EMC1: variants seen among roughly 807,000 people sequenced by gnomAD.
EMC1 encodes ER membrane protein complex subunit 1, also known as KIAA0090.
Under a neutral mutation model 128.8 loss-of-function variants are expected in EMC1, and 103 were observed. That is an observed-to-expected ratio of 0.80 (90% CI 0.68 to 0.94). EMC1 has a LOEUF of 0.94. Among genes scored for constraint, EMC1 ranks in the 40% least tolerant of loss-of-function variants. EMC1 has a pLI of 0.00. For missense variants in EMC1, 1,083 were observed against 1,250.6 expected, an observed-to-expected ratio of 0.87 and a Z score of 2.02; for synonymous variants, 442 against 490.4, an observed-to-expected ratio of 0.90 and a Z score of 1.30.
At chr1:19,227,566 G>T in intron 17 of EMC1, 116 bp from the exon 18 acceptor site, 1 of 1,252,802 alleles carries the variant, frequency 8.0e-7, no homozygotes, top group African/African-American at 1.5e-5. Flanking sequence ...AAGGAATAGA[G>T]ATCAGAACTA....
At chr1:19,229,390 G>A (rs543420768) in intron 17 of EMC1, 1 of 152,194 alleles carries the variant, frequency 6.6e-6, no homozygotes, top group South Asian at 2.1e-4. Context: ...ACCAAGTGAG[G>A]GCAAAGGCAG....
chr1:19,241,292 G>T, intron 5 of EMC1, 150 bp from the exon 6 acceptor site: 1 of 826,600 alleles, frequency 1.2e-6, no homozygotes, highest in Non-Finnish European at 1.9e-6. Flanking sequence ...TTTTGTTGTT[G>T]TTGTTCTTAA....
At chr1:19,220,937 G>T in intron 20 of EMC1, 89 bp from the exon 21 acceptor site, 1 of 954,140 alleles carries the variant, frequency 1.0e-6, no homozygotes, top group Non-Finnish European at 1.6e-6. Flanking sequence ...ATTTAAATAA[G>T]AATTTAAAAC....
At chr1:19,233,251 T>C (rs568780664) in intron 13 of EMC1, 116 bp from the exon 14 acceptor site, 4 of 885,110 alleles carry the variant, frequency 4.5e-6, no homozygotes, top group East Asian at 5.1e-5. Flanking sequence ...GTCCACACTC[T>C]AGGCCACAAG....
At chr1:19,228,161 C>A (rs1377799788) in intron 17 of EMC1, among the ~76,000 whole-genome samples, 1 of 146,100 alleles carries the variant, frequency 6.8e-6, no homozygotes, top group African/African-American at 2.5e-5. Flanking sequence ...GCCGAGACTG[C>A]ACCATTGCAC....
Position 19,243,967 on chromosome 1 carries a change from A to G in EMC1, c.269T>C (p.Met90Thr). The G allele has an allele frequency of 2.5e-6, 4 of 1,614,162 alleles. No homozygotes were observed. Among genetic ancestry groups the G allele is most frequent in the South Asian group, 2.2e-5 (2 of 91,082 alleles). Reference sequence around the variant, plus strand: ...CTGCTTACCCTGTCCGTGCAGCAGCATGGCATCCACAGCCCCTTCTGCCGT... The same window carrying G: ...CTGCTTACCCTGTCCGTGCAGCAGCGTGGCATCCACAGCCCCTTCTGCCGT... ...KGTAEGAVDA[M>T]LLHGQDVITV... Residue 90 changes from methionine (M) to threonine (T), a missense_variant, in exon 3 of 23, where the codon ATG becomes ACG. By Grantham distance (81) the Met-to-Thr change is moderately conservative (BLOSUM62 -1). Coordinates refer to ENST00000477853, the MANE Select transcript of EMC1 (RefSeq NM_015047.3).
intron 6 of EMC1, 140 bp downstream of exon 6, chr1:19,240,876 A>G: frequency 1.1e-6 from 1 of 951,748 alleles, no homozygotes; most frequent in South Asian, 1.6e-5. Flanking sequence ...ATGGGAAGGC[A>G]GCTGGCAAGT....
chr1:19,218,997 A>AAACAAAACAG lies in EMC1; in HGVS notation c.*305_*306insCTGTTTTGTT. The stretch of plus-strand genomic sequence containing the variant: ...GCCGGAATTCTTATTAAAAAAAACA[A>AAACAAAACAG]AACAGAACATTCATGGATGGGCAAA... On this transcript the variant is annotated 3_prime_UTR_variant, in exon 23 of 23. Coordinates refer to ENST00000477853, the MANE Select transcript of EMC1 (RefSeq NM_015047.3). The AAACAAAACAG allele has an allele frequency of 4.0e-6, 1 of 247,070 alleles. No individual in the cohort carries two copies. The highest frequency in any genetic ancestry group is 7.8e-6 in the Non-Finnish European group (1 of 127,874). The allele number at this position is 247,070 out of a possible 1,614,324, so 15.3% of individuals were successfully genotyped here.
chr1:19,227,079 G>A (rs969006068), intron 18 of EMC1, among the ~76,000 whole-genome samples: 2 of 152,118 alleles, frequency 1.3e-5, no homozygotes, highest in African/African-American at 2.4e-5. Flanking sequence ...AACATCTGTT[G>A]CTTACTTACC....
chr1:19,249,583 C>G (rs1041623083), intron 1 of EMC1, among the ~76,000 whole-genome samples: 1 of 152,160 alleles, frequency 6.6e-6, no homozygotes, highest in African/African-American at 2.4e-5. Flanking sequence ...AGGATGTATT[C>G]CCATCATTAA....
At position 19,243,934 on chromosome 1, in the gene EMC1, G is replaced by A. The variant is rs752876338; in HGVS notation, c.286+16C>T. On this transcript the variant is annotated intron_variant, in intron 3 of 22. Transcript: ENST00000477853. ...GAGCTGGCCGCACAATGGAGACACG[G>A]GAGGACTCTGCTTACCCTGTCCGTG... 3 of 1,613,672 alleles carry A rather than the reference G, an allele frequency of 1.9e-6. No homozygotes were observed. In the Admixed American group the frequency reaches 5.0e-5, roughly 27 times the overall value.
At position 19,217,075 on chromosome 1, in the gene EMC1, CAAA is replaced by C. The variant is rs970485232; in HGVS notation, c.*2225_*2227del. 2 of 151,928 alleles carry C rather than the reference CAAA, an allele frequency of 1.3e-5. No homozygotes were observed. The highest frequency in any genetic ancestry group is 4.8e-5 in the African/African-American group (2 of 41,342). 9.4% of individuals were successfully genotyped at this position (151,928 alleles called of 1,614,324 possible). On this transcript the variant is annotated 3_prime_UTR_variant, in exon 23 of 23. Coordinates refer to ENST00000477853, the MANE Select transcript of EMC1 (RefSeq NM_015047.3). ...GAAGAGGTAAGTCAAGGAATACACA[CAAA>C]AAACAAGGAATGACAAGAAAGCAAA...
intron 21 of EMC1, chr1:19,219,962 A>T (rs1333039653): frequency 6.9e-6 from 3 of 433,878 alleles, no homozygotes; most frequent in Non-Finnish European, 1.3e-5. Flanking sequence ...GATGACTGGC[A>T]CTTCACACCA....
chr1:19,242,891 A>C (rs1422800979), intron 4 of EMC1, among the ~76,000 whole-genome samples: 1 of 152,206 alleles, frequency 6.6e-6, no homozygotes, highest in Non-Finnish European at 1.5e-5. Context: ...GTGTTTACCA[A>C]ATGAATTACT....
In EMC1 at chr1:19,230,853, C is replaced by A; in HGVS notation, c.2055G>T (p.Arg685=). The A allele has an allele frequency of 6.2e-7, 1 of 1,614,126 alleles. No homozygotes were observed. Among genetic ancestry groups the A allele is most frequent in the Non-Finnish European group, 8.5e-7 (1 of 1,180,024 alleles). The change falls in exon 17 of 23, where the codon CGG becomes CGT. Residue 685 remains arginine, a synonymous_variant. Transcript: ENST00000477853. The part of the protein sequence containing the change: ...DAEQGRLCGY[R]LRKDLTTELS... ...GGACATGCCTTCCTACCTTTCGAAG[C>A]CGATATCCACACAGCCGTCCCTGCT...
Position 19,227,449 on chromosome 1 carries a change from T to C in EMC1, c.2066A>G (p.Asp689Gly). ...GRLCGYRLRKDLTTELSWELT... is the reference protein window; with the variant it reads ...GRLCGYRLRKGLTTELSWELT... ...CTCCCAACTCAGCTCAGTGGTGAGA[T>C]CCTAGGGCAGGGGCAAAAAAGCCTG... The change falls in exon 18 of 23, where the codon GAT (aspartate) becomes GGT (glycine). Residue 689 changes from aspartate (D) to glycine (G), a missense_variant and splice_region_variant. Transcript: ENST00000477853. 6.2e-7 allele frequency: 1 copy of C among 1,614,162 alleles called. No homozygotes were observed. Among genetic ancestry groups the C allele is most frequent in the Non-Finnish European group, 8.5e-7 (1 of 1,180,032 alleles).
intron 2 of EMC1, 94 bp downstream of exon 2, chr1:19,244,812 A>C: frequency 6.8e-7 from 1 of 1,474,908 alleles, no homozygotes; most frequent in Admixed American, 1.8e-5. Flanking sequence ...TTTGGCCAAC[A>C]TGTTCCTTAT....
chr1:19,237,564 A>G (rs2093575183), intron 11 of EMC1, among the ~76,000 whole-genome samples: 1 of 152,186 alleles, frequency 6.6e-6, no homozygotes, highest in African/African-American at 2.4e-5. Flanking sequence ...CGAAGAAGCC[A>G]CAGCCCAAGC....
rs200440484 is a variant in EMC1 at position 19,238,043 on chromosome 1, C to A, written c.1186G>T (p.Glu396Ter). The A allele has an allele frequency of 1.9e-6, 3 of 1,613,828 alleles. No individual in the cohort carries two copies. ...LLDTTITFSL[E>*]QSGTRPERLY... Reference sequence around the variant, plus strand: ...CGCTCAGGCCGAGTGCCGCTCTGTTCCAGGCTAAATGTTATCGTGGTGTCC... The same window carrying A: ...CGCTCAGGCCGAGTGCCGCTCTGTTACAGGCTAAATGTTATCGTGGTGTCC... Residue 396 changes from glutamate (E) to a stop codon, truncating the protein, a stop_gained, in exon 11 of 23, where the codon GAA becomes TAA. Transcript: ENST00000477853. LOFTEE classifies it high-confidence loss of function.
Sources: gnomAD v4.1 joint callset for allele counts (sites outside exome capture counted in the v4.1 genomes callset) on GRCh38, gnomAD v4.1.1 for gene constraint, MANE v1.5 for transcripts, NCBI Gene and HGNC (gene_info 2026-07-23, HGNC 2026-07-21) for gene names.